FRMD6: variants seen among roughly 807,000 people sequenced by gnomAD.
FRMD6 encodes FERM domain containing 6, also known as FERM domain-containing protein 6.
In FRMD6, 37 loss-of-function variants were observed where a neutral mutation model predicts 73.2. That is an observed-to-expected ratio of 0.51 (90% CI 0.39 to 0.66). The LOEUF (loss-of-function observed/expected upper bound fraction) is 0.66. Among genes scored for constraint, FRMD6 ranks in the 30% least tolerant of loss-of-function variants. FRMD6 has a pLI of 0.00. For missense variants in FRMD6, 714 were observed against 780.5 expected, an observed-to-expected ratio of 0.91 and a Z score of 1.02; for synonymous variants, 273 against 282.2, an observed-to-expected ratio of 0.97 and a Z score of 0.33.
At chr14:51,641,674 A>T (rs976080326) in intron 2 of FRMD6, among the ~76,000 whole-genome samples, 1 of 152,162 alleles carries the variant, frequency 6.6e-6, no homozygotes, top group Non-Finnish European at 1.5e-5. Context: ...TCCCCCAGAT[A>T]CTAACTGCCC....
chr14:51,694,460 C>A (rs1442375044), intron 2 of FRMD6, among the ~76,000 whole-genome samples: 5 of 152,070 alleles, frequency 3.3e-5, no homozygotes. Context: ...GTGGCTGAGG[C>A]AGGAGAATCA....
In FRMD6 at chr14:51,720,261, A is replaced by C; in HGVS notation, c.1231A>C (p.Ser411Arg). ...GCCCCGGGACACGGGGCCAGAAGAC[A>C]GCTACTCCAGCAGTGCCATCCACCG... is the stretch of plus-strand genomic sequence containing the variant. The part of the protein sequence containing the change: ...TKPRDTGPED[S>R]YSSSAIHRKL... The change falls in exon 11 of 14, where the codon AGC becomes CGC. Residue 411 changes from serine to arginine, a missense_variant. By Grantham distance (110) the Ser-to-Arg change is moderately radical. Transcript: ENST00000344768. 1 of 1,613,938 alleles carries C rather than the reference A, an allele frequency of 6.2e-7. No homozygotes were observed. The highest frequency in any genetic ancestry group is 8.5e-7 in the Non-Finnish European group (1 of 1,179,944).
chr14:51,585,636 A>G (rs1484406960), intron 2 of FRMD6, among the ~76,000 whole-genome samples: 1 of 151,984 alleles, frequency 6.6e-6, no homozygotes, highest in African/African-American at 2.4e-5. Flanking sequence ...AGGAATACCT[A>G]TCTTGCATGT....
rs374053687 is a variant in FRMD6 at position 51,547,717 on chromosome 14, A to G, written c.-209-22631A>G. ...CATTGTGATGCTCACCTTTATCTTCACCATTAAATATGTCATACTAAATAA... is the reference window on the plus strand; with the variant it reads ...CATTGTGATGCTCACCTTTATCTTCGCCATTAAATATGTCATACTAAATAA... On this transcript the variant is annotated intron_variant, in intron 1 of 14. Coordinates refer to the FRMD6 transcript ENST00000356218. 2.6e-5 allele frequency: 4 copies of G among 152,270 alleles called. No individual in the cohort carries two copies. In the East Asian group the frequency reaches 5.8e-4, roughly 22 times the overall value. The allele number at this position is 152,270 out of a possible 1,614,324, so 9.4% of individuals were successfully genotyped here. A position where few individuals can be genotyped will look rare whatever the true frequency, so the allele number is the denominator to read the frequency against.
rs1325407110 is a variant in FRMD6 at position 51,720,335 on chromosome 14, C to T, written c.1305C>T (p.Thr435=). 3.1e-6 allele frequency: 5 copies of T among 1,613,892 alleles called. No homozygotes were observed. The highest frequency in any genetic ancestry group is 4.2e-6 in the Non-Finnish European group (5 of 1,180,036). Residue 435 remains threonine, a synonymous_variant, in exon 11 of 14, where the codon ACC becomes ACT. Transcript: ENST00000344768. ...SSMTSHGSSH[T]SGVESGGKDR... ...TGACCAGTCATGGCAGCTCCCACAC[C>T]TCAGGGGTGGAGAGTGGCGGCAAAG...
intron 2 of FRMD6, among the ~76,000 whole-genome samples, chr14:51,609,745 G>C (rs1339015826): frequency 6.6e-6 from 1 of 152,208 alleles, no homozygotes; most frequent in Non-Finnish European, 1.5e-5. Context: ...CGGTTGGTTA[G>C]TCTGGATTGT....
In FRMD6 at chr14:51,511,113, A is replaced by T. The variant is rs113215087; in HGVS notation, c.-210+21693A>T. Among the ~76,000 whole-genome samples the T allele has an allele frequency of 4.4e-3, 677 of 152,222 alleles. 3 individuals carry two copies. Among genetic ancestry groups the T allele is most frequent in the African/African-American group, 0.016 (654 of 41,520 alleles). The stretch of plus-strand genomic sequence containing the variant: ...CCCACTGCTTTCTAGCCTACTCCCC[A>T]GTGGCTATTACTAGATAAAAGTCAC... On this transcript the variant is annotated intron_variant, in intron 1 of 14. Coordinates refer to the FRMD6 transcript ENST00000356218.
intron 2 of FRMD6, among the ~76,000 whole-genome samples, chr14:51,623,355 A>G (rs781663130): frequency 4.3e-4 from 65 of 152,226 alleles, no homozygotes; most frequent in Admixed American, 5.2e-4. Context: ...CCTGACTGGT[A>G]ATCAAAGAAG....
the FRMD6 span, among the ~76,000 whole-genome samples, chr14:51,449,032 C>T: frequency 6.6e-6 from 1 of 152,196 alleles, no homozygotes; most frequent in South Asian, 2.1e-4. Context: ...AAACCTGATG[C>T]TGCTTGTAAT....
At chr14:51,585,010 G>T (rs911754485) in intron 2 of FRMD6, among the ~76,000 whole-genome samples, 3 of 152,146 alleles carry the variant, frequency 2.0e-5, no homozygotes, top group Admixed American at 1.3e-4. Context: ...CCCTTGGAAT[G>T]GTCCTTGCAC....
At chr14:51,499,913 A>T (rs4243575) in intron 1 of FRMD6, among the ~76,000 whole-genome samples, 95,812 of 151,920 alleles carry the variant, frequency 0.63, 31,837 homozygotes, top group African/African-American at 0.85. Context: ...TATTCTCATG[A>T]GTTATGGAAA....
At chr14:51,702,865 C>T (rs1020818373) in intron 5 of FRMD6, among the ~76,000 whole-genome samples, 6 of 151,938 alleles carry the variant, frequency 3.9e-5, no homozygotes, top group African/African-American at 1.4e-4. Flanking sequence ...ACATTTTCTC[C>T]ACTCCACGTT....
chr14:51,488,560 TCAAA>T (rs774681058), upstream of FRMD6, among the ~76,000 whole-genome samples: 8 of 152,216 alleles, frequency 5.3e-5, no homozygotes, highest in Non-Finnish European at 2.9e-5. Context: ...TAGGAATGAA[TCAAA>T]CATGGAGCTT....
In FRMD6 at chr14:51,721,878, A is replaced by C; in HGVS notation, c.1361-71A>C. 9 of 1,549,680 alleles carry C rather than the reference A, an allele frequency of 5.8e-6. No homozygotes were observed. In the South Asian group the frequency reaches 1.0e-4, roughly 18 times the overall value. ...AGGAATAATTACATAGCCACCCTCA[A>C]AATATGGTTGCATATTATGATGGTC... On this transcript the variant is annotated intron_variant, in intron 11 of 13. Coordinates refer to ENST00000344768, the MANE Select transcript of FRMD6 (RefSeq NM_001267046.2).
chr14:51,404,721 T>C, the FRMD6 span, among the ~76,000 whole-genome samples: 1 of 152,228 alleles, frequency 6.6e-6, no homozygotes, highest in African/African-American at 2.4e-5. Flanking sequence ...TATTCTGTTC[T>C]ACCACTGACT....
intron 2 of FRMD6, among the ~76,000 whole-genome samples, chr14:51,581,634 T>C (rs1390891328): frequency 6.6e-6 from 1 of 152,214 alleles, no homozygotes; most frequent in Non-Finnish European, 1.5e-5. Flanking sequence ...TTATCTATCC[T>C]TGGTTCATTT....
intron 2 of FRMD6, among the ~76,000 whole-genome samples, chr14:51,585,917 C>T (rs1273557826): frequency 2.2e-4 from 6 of 27,484 alleles, no homozygotes; most frequent in African/African-American, 4.7e-4. Context: ...AATAGTATGC[C>T]ATGGCATGTG....
At chr14:51,727,608 A>T in intron 13 of FRMD6, 137 bp from the exon 14 acceptor site, 1 of 753,386 alleles carries the variant, frequency 1.3e-6, no homozygotes, top group Non-Finnish European at 2.1e-6. Flanking sequence ...CATACAGCCC[A>T]GAAACCACAG....
upstream of FRMD6, among the ~76,000 whole-genome samples, chr14:51,647,328 G>T (rs1892121931): frequency 6.6e-6 from 1 of 151,990 alleles, no homozygotes; most frequent in African/African-American, 2.4e-5. Flanking sequence ...TCCTGGTTAG[G>T]GGCTCCCGGT....
Sources: allele counts gnomAD v4.1 joint callset (sites outside exome capture counted in the v4.1 genomes callset), GRCh38; gene constraint gnomAD v4.1.1; transcripts MANE v1.5; gene names NCBI Gene and HGNC (gene_info 2026-07-23, HGNC 2026-07-21).